TRERF1: variants seen among roughly 807,000 people sequenced by gnomAD.
The protein encoded by TRERF1 is transcriptional-regulating factor 1.
In TRERF1, 27 loss-of-function variants were observed where a neutral mutation model predicts 122.9. That is an observed-to-expected ratio of 0.22 (90% CI 0.16 to 0.30). The LOEUF (loss-of-function observed/expected upper bound fraction) is 0.30. Ranked by LOEUF, TRERF1 falls within the 10% of genes least tolerant of loss-of-function variation. TRERF1 has a pLI of 1.00. For missense variants in TRERF1, 1,248 were observed against 1,560.3 expected, an observed-to-expected ratio of 0.80 and a Z score of 3.37; for synonymous variants, 636 against 641.7, an observed-to-expected ratio of 0.99 and a Z score of 0.13.
At chr6:42,436,808 A>ATATATATAT (rs1263996791) in intron 2 of TRERF1, among the ~76,000 whole-genome samples, 2 of 103,224 alleles carry the variant, frequency 1.9e-5, no homozygotes, top group Non-Finnish European at 4.0e-5. Context: ...TACAAAAAAA[A>ATATATATAT]AAAAAAATAT....
At chr6:42,355,650 C>T (rs999784102) in intron 3 of TRERF1, among the ~76,000 whole-genome samples, 11 of 152,276 alleles carry the variant, frequency 7.2e-5, no homozygotes, top group Non-Finnish European at 1.3e-4. Flanking sequence ...TTTTCAAAGG[C>T]CTTTTTATAT....
At chr6:42,334,858 G>A (rs1383040479) in intron 3 of TRERF1, among the ~76,000 whole-genome samples, 1 of 152,232 alleles carries the variant, frequency 6.6e-6, no homozygotes, top group Non-Finnish European at 1.5e-5. Context: ...GTGAGGCATC[G>A]GGGACAGGAA....
intron 3 of TRERF1, among the ~76,000 whole-genome samples, chr6:42,355,208 A>AT (rs1249053698): frequency 6.6e-6 from 1 of 152,180 alleles, no homozygotes; most frequent in African/African-American, 2.4e-5. Flanking sequence ...CATGAACCTG[A>AT]TATTCCTTAT....
At chr6:42,266,164 G>T (rs879667763) in intron 5 of TRERF1, among the ~76,000 whole-genome samples, 31 of 150,796 alleles carry the variant, frequency 2.1e-4, no homozygotes, top group Non-Finnish European at 3.8e-4. Context: ...GCAGCATTAT[G>T]CCAGGAGACC....
rs1251310629 is a variant in TRERF1 at position 42,259,543 on chromosome 6, A to T, written c.2065T>A (p.Ser689Thr). 1.9e-6 allele frequency: 3 copies of T among 1,613,458 alleles called. No individual in the cohort carries two copies. Among genetic ancestry groups the T allele is most frequent in the Non-Finnish European group, 2.5e-6 (3 of 1,179,790 alleles). Residue 689 changes from serine (S) to threonine (T), a missense_variant, in exon 9 of 18, where the codon TCC (serine) becomes ACC (threonine). By Grantham distance (58) the Ser-to-Thr change is moderately conservative. Coordinates refer to ENST00000372922, the Ensembl canonical transcript of TRERF1. The surrounding 1 kb of genome is among the most constrained non-coding windows in gnomAD (Gnocchi z 4.9). ...AGGTGGTCCCCGAGGACGCGCGGGG[A>T]GCGCAGCTGGCTCTGGTACAGGGTG...
chr6:42,242,367 G>T (rs2149586717), intron 15 of TRERF1, among the ~76,000 whole-genome samples: 1 of 151,858 alleles, frequency 6.6e-6, no homozygotes, highest in South Asian at 2.1e-4. Flanking sequence ...CCTTACAACT[G>T]GGGCACAATT....
rs60521820 is a variant in TRERF1 at position 42,366,788 on chromosome 6, C to T, written c.-453-3709G>A. ...TCACCAGCTATGGACCACCATCTAA[C>T]AATTCTGGGATTCCCAGAGCCACAA... is the stretch of plus-strand genomic sequence containing the variant. On this transcript the variant is annotated intron_variant, in intron 2 of 17. Coordinates refer to ENST00000372922, the Ensembl canonical transcript of TRERF1. Among the ~76,000 whole-genome samples, 1,233 of 152,258 alleles carry T rather than the reference C, an allele frequency of 8.1e-3. 23 individuals carry two copies. Among genetic ancestry groups the T allele is most frequent in the African/African-American group, 0.028 (1,162 of 41,526 alleles).
At chr6:42,335,178 G>A (rs1765922090) in intron 3 of TRERF1, among the ~76,000 whole-genome samples, 1 of 152,208 alleles carries the variant, frequency 6.6e-6, no homozygotes, top group Non-Finnish European at 1.5e-5. Flanking sequence ...ATACCAGCAA[G>A]CCAGAACTTT....
intron 8 of TRERF1, among the ~76,000 whole-genome samples, chr6:42,260,420 T>C (rs902348695): frequency 1.5e-4 from 23 of 152,198 alleles, no homozygotes; most frequent in Non-Finnish European, 2.9e-4. Context: ...AGTTAGTTTA[T>C]TTTAATGGCA....
chr6:42,371,498 C>T (rs933746310), intron 2 of TRERF1, among the ~76,000 whole-genome samples: 2 of 152,184 alleles, frequency 1.3e-5, no homozygotes, highest in Non-Finnish European at 2.9e-5. Flanking sequence ...CCCAATGTAG[C>T]GGTTCCCGAG....
chr6:42,426,367 G>T (rs187830531), intron 2 of TRERF1, among the ~76,000 whole-genome samples: 94 of 152,266 alleles, frequency 6.2e-4, no homozygotes, highest in South Asian at 2.1e-3. Flanking sequence ...CATGCCAAAT[G>T]TGAGTAAACA....
At chr6:42,335,169 T>C (rs753223768) in intron 3 of TRERF1, among the ~76,000 whole-genome samples, 4 of 152,200 alleles carry the variant, frequency 2.6e-5, no homozygotes, top group African/African-American at 7.2e-5. Context: ...GGGAAGGGGA[T>C]ACCAGCAAGC....
intron 4 of TRERF1, among the ~76,000 whole-genome samples, chr6:42,294,180 A>ATTTT (rs70987589): frequency 0.018 from 2,380 of 129,100 alleles, 106 homozygotes; most frequent in East Asian, 0.082. Context: ...CTATAATGTA[A>ATTTT]TTTTTTTTTT....
intron 3 of TRERF1, among the ~76,000 whole-genome samples, chr6:42,311,432 G>C (rs1244945809): frequency 1.3e-5 from 2 of 152,074 alleles, no homozygotes; most frequent in Non-Finnish European, 2.9e-5. Context: ...GGAGCCGGCA[G>C]GTGCGGTCAG....
At chr6:42,274,817 C>T (rs1213744930) in intron 4 of TRERF1, among the ~76,000 whole-genome samples, 4 of 152,116 alleles carry the variant, frequency 2.6e-5, no homozygotes, top group South Asian at 4.1e-4. Flanking sequence ...TGAATAGGTA[C>T]TATATTCACA....
Position 42,235,995 on chromosome 6 carries a change from C to T in TRERF1, c.3066+210G>A, listed in dbSNP as rs73733123. On this transcript the variant is annotated intron_variant, in intron 16 of 17. Transcript: ENST00000372922. The stretch of plus-strand genomic sequence containing the variant: ...GGCATGGGGGCCTTCTCTGTGTTCT[C>T]CAACACGCAGCATCATGCTTGACAC... Among the ~76,000 whole-genome samples, 390 of 152,328 alleles carry T rather than the reference C, an allele frequency of 2.6e-3. 4 individuals are homozygous for T. Among genetic ancestry groups the T allele is most frequent in the African/African-American group, 8.7e-3 (363 of 41,572 alleles).
chr6:42,377,209 T>G (rs189966415), intron 2 of TRERF1, among the ~76,000 whole-genome samples: 1 of 152,312 alleles, frequency 6.6e-6, no homozygotes, highest in Admixed American at 6.5e-5. Context: ...TTCACTCTTT[T>G]TTAAAGTGTA....
chr6:42,409,908 C>A (rs1780857272), intron 2 of TRERF1, among the ~76,000 whole-genome samples: 1 of 152,138 alleles, frequency 6.6e-6, no homozygotes, highest in African/African-American at 2.4e-5. Flanking sequence ...TCCCCCAACA[C>A]ACCTATTTTT....
At chr6:42,396,416 A>G (rs2151299481) in intron 2 of TRERF1, among the ~76,000 whole-genome samples, 1 of 152,262 alleles carries the variant, frequency 6.6e-6, no homozygotes, top group South Asian at 2.1e-4. Flanking sequence ...TAAAAGTGAG[A>G]TATGCATATT....
Sources: gnomAD v4.1 joint callset for allele counts (sites outside exome capture counted in the v4.1 genomes callset) on GRCh38, gnomAD v4.1.1 for gene constraint, Gnocchi (gnomAD v3.1) non-coding constraint, MANE v1.5 for transcripts, NCBI Gene and HGNC (gene_info 2026-07-23, HGNC 2026-07-21) for gene names.